TAFA1: variants seen among roughly 807,000 people sequenced by gnomAD.
The protein encoded by TAFA1 is chemokine-like protein TAFA-1.
In TAFA1, 4 loss-of-function variants were observed where a neutral mutation model predicts 18.5. That is an observed-to-expected ratio of 0.22 (90% CI 0.11 to 0.49). TAFA1 has a LOEUF of 0.49. TAFA1 is among the 20% of genes least tolerant of loss of function. The pLI, the probability that TAFA1 is intolerant of heterozygous loss-of-function variation, is 0.98. For synonymous variants in TAFA1, 56 were observed against 55.2 expected, an observed-to-expected ratio of 1.01 and a Z score of -0.06; for missense variants, 147 against 169.0, an observed-to-expected ratio of 0.87 and a Z score of 0.72.
At chr3:68,284,576 A>G (rs1350584659) in intron 2 of TAFA1, among the ~76,000 whole-genome samples, 2 of 152,162 alleles carry the variant, frequency 1.3e-5, no homozygotes, top group African/African-American at 4.8e-5. Context: ...GTCCATCAAT[A>G]GGAGAATGGG....
chr3:68,165,420 A>G (rs1471772719), intron 2 of TAFA1, among the ~76,000 whole-genome samples: 2 of 152,238 alleles, frequency 1.3e-5, no homozygotes, highest in East Asian at 1.9e-4. Flanking sequence ...AGGAGAAATA[A>G]TTGTCTAACA....
At chr3:68,381,981 G>A (rs1023417470) in intron 2 of TAFA1, among the ~76,000 whole-genome samples, 4 of 152,154 alleles carry the variant, frequency 2.6e-5, no homozygotes, top group Admixed American at 6.5e-5. Flanking sequence ...TTAGCATGAA[G>A]GGTTGTTGAC....
chr3:68,370,359 C>T (rs1292219934), intron 2 of TAFA1, among the ~76,000 whole-genome samples: 30 of 58,228 alleles, frequency 5.2e-4, no homozygotes, highest in African/African-American at 1.6e-3. Flanking sequence ...TATATACACA[C>T]ACACACACAT....
chr3:68,227,736 A>G (rs557017132), intron 2 of TAFA1, among the ~76,000 whole-genome samples: 9 of 152,344 alleles, frequency 5.9e-5, no homozygotes, highest in Admixed American at 3.9e-4. Flanking sequence ...AACTTTCTCT[A>G]TACAGATCTG....
At chr3:68,132,558 G>A (rs889449411) in intron 2 of TAFA1, among the ~76,000 whole-genome samples, 1 of 152,114 alleles carries the variant, frequency 6.6e-6, no homozygotes, top group Admixed American at 6.5e-5. Context: ...ATTTCTTAAT[G>A]ATCACCATTC....
intron 2 of TAFA1, among the ~76,000 whole-genome samples, chr3:68,308,542 C>T (rs2068459791): frequency 6.6e-6 from 1 of 151,976 alleles, no homozygotes; most frequent in East Asian, 1.9e-4. Flanking sequence ...CCAATTGCAC[C>T]ACTGGAGCCA....
chr3:67,992,654 G>A, the TAFA1 span, among the ~76,000 whole-genome samples: 17 of 152,112 alleles, frequency 1.1e-4, 1 homozygote, highest in Admixed American at 9.8e-4. Flanking sequence ...AAACAAATGG[G>A]CATGTTTGTA....
At chr3:68,283,829 T>C (rs1575745154) in intron 2 of TAFA1, among the ~76,000 whole-genome samples, 1 of 152,226 alleles carries the variant, frequency 6.6e-6, no homozygotes, top group African/African-American at 2.4e-5. Context: ...CTTCCTTTTA[T>C]ACATTGCATG....
intron 2 of TAFA1, among the ~76,000 whole-genome samples, chr3:68,070,330 G>T (rs1399767640): frequency 6.6e-6 from 1 of 152,204 alleles, no homozygotes; most frequent in African/African-American, 2.4e-5. Context: ...GCCACAGCCC[G>T]AGCTATACCT....
intron 2 of TAFA1, among the ~76,000 whole-genome samples, chr3:68,372,594 A>C (rs1165208348): frequency 6.6e-6 from 1 of 152,210 alleles, no homozygotes; most frequent in East Asian, 1.9e-4. Flanking sequence ...TGCAACCAGC[A>C]GGTGATATGA....
At chr3:68,123,404 A>G (rs1393010027) in intron 2 of TAFA1, among the ~76,000 whole-genome samples, 2 of 152,140 alleles carry the variant, frequency 1.3e-5, no homozygotes, top group Admixed American at 1.3e-4. Flanking sequence ...ACATGGAGAG[A>G]ATGGAAAACA....
At chr3:68,420,202 G>A (rs552345023) in intron 3 of TAFA1, among the ~76,000 whole-genome samples, 1 of 152,272 alleles carries the variant, frequency 6.6e-6, no homozygotes, top group African/African-American at 2.4e-5. Context: ...CACAGCCAGA[G>A]GAGCAAGCTT....
At chr3:68,120,539 G>A (rs1001799102) in intron 2 of TAFA1, among the ~76,000 whole-genome samples, 1 of 152,090 alleles carries the variant, frequency 6.6e-6, no homozygotes, top group Admixed American at 6.6e-5. Context: ...GTGAGCCACT[G>A]CACGTGGCCA....
At chr3:68,195,941 A>G (rs927498668) in intron 2 of TAFA1, among the ~76,000 whole-genome samples, 3 of 151,744 alleles carry the variant, frequency 2.0e-5, no homozygotes, top group Non-Finnish European at 4.4e-5. Context: ...TCTTGGACCC[A>G]TGTCACTTAT....
chr3:68,471,862 A>C (rs752271839), intron 3 of TAFA1, among the ~76,000 whole-genome samples: 3 of 152,232 alleles, frequency 2.0e-5, no homozygotes, highest in Non-Finnish European at 4.4e-5. Flanking sequence ...TGTTAAGGAC[A>C]AAAACTCTGG....
chr3:68,217,794 T>G (rs1014883729), intron 2 of TAFA1, among the ~76,000 whole-genome samples: 16 of 152,048 alleles, frequency 1.1e-4, no homozygotes, highest in African/African-American at 3.9e-4. Flanking sequence ...ATGTATTGAT[T>G]TATTTCATTC....
At chr3:68,051,332 T>C (rs2064468833) in intron 2 of TAFA1, among the ~76,000 whole-genome samples, 1 of 152,148 alleles carries the variant, frequency 6.6e-6, no homozygotes, top group African/African-American at 2.4e-5. Flanking sequence ...CTTAAGATTC[T>C]TACTAAGAAT....
intron 2 of TAFA1, among the ~76,000 whole-genome samples, chr3:68,403,467 G>A (rs1331229938): frequency 6.6e-6 from 1 of 152,318 alleles, no homozygotes; most frequent in East Asian, 1.9e-4. Flanking sequence ...GTCTAAAACG[G>A]GTTGGCAAAC....
At chr3:68,226,205 A>C (rs2066798197) in intron 2 of TAFA1, among the ~76,000 whole-genome samples, 1 of 152,214 alleles carries the variant, frequency 6.6e-6, no homozygotes, top group East Asian at 1.9e-4. Context: ...TCAGGGTATA[A>C]CTGAAAATAA....
Sources: gnomAD v4.1 joint callset for allele counts (sites outside exome capture counted in the v4.1 genomes callset) on GRCh38, gnomAD v4.1.1 for gene constraint, MANE v1.5 for transcripts, NCBI Gene and HGNC (gene_info 2026-07-23, HGNC 2026-07-21) for gene names.